Variants in THEM4 observed in about 807,000 individuals in gnomAD.
The protein encoded by THEM4 is acyl-coenzyme A thioesterase THEM4.
In THEM4, 22 loss-of-function variants were observed where a neutral mutation model predicts 25.0. The ratio of observed to expected loss-of-function variants is 0.88; its 90% CI spans 0.63 to 1.26. The LOEUF is 1.26. Among genes scored for constraint, THEM4 ranks in the 50% most tolerant of loss-of-function variants. The pLI is 0.00. For synonymous variants in THEM4, 113 were observed against 105.6 expected, an observed-to-expected ratio of 1.07 and a Z score of -0.43; for missense variants, 286 against 300.3, an observed-to-expected ratio of 0.95 and a Z score of 0.35.
chr1:151,879,032 G>C (rs2101716264), intron 4 of THEM4, among the ~76,000 whole-genome samples: 1 of 151,600 alleles, frequency 6.6e-6, no homozygotes, highest in South Asian at 2.1e-4. Flanking sequence ...AATACTATTG[G>C]GGCCAAAAAG....
At position 151,877,139 on chromosome 1, in the gene THEM4, T is replaced by C. The variant is rs1026241265; in HGVS notation, c.558-14A>G. The stretch of plus-strand genomic sequence containing the variant: ...AGAGGGATAGGTCTGCAGAATAAAA[T>C]GAAAAAGGAAAAAAATCAGTTTTTA... On this transcript the variant is annotated splice_polypyrimidine_tract_variant and intron_variant, in intron 4 of 5. Coordinates refer to ENST00000368814, the MANE Select transcript of THEM4 (RefSeq NM_053055.5). 2 of 1,589,214 alleles carry C rather than the reference T, an allele frequency of 1.3e-6. No individual in the cohort carries two copies. The highest frequency in any genetic ancestry group is 8.5e-7 in the Non-Finnish European group (1 of 1,173,098).
chr1:151,887,781 C>A (rs1008986103), intron 4 of THEM4, among the ~76,000 whole-genome samples: 5 of 152,032 alleles, frequency 3.3e-5, no homozygotes, highest in African/African-American at 1.2e-4. Flanking sequence ...CACTGCTGGG[C>A]CCAGCTAAAT....
chr1:151,893,547 G>A lies in THEM4; in HGVS notation c.286+1461C>T, dbSNP rs141117340. Among the ~76,000 whole-genome samples the A allele has an allele frequency of 2.9e-3, 446 of 152,160 alleles. 1 individual carries two copies. Among genetic ancestry groups the A allele is most frequent in the African/African-American group, 9.9e-3 (413 of 41,538 alleles). ...TAGGCCAAAGAAAATGGAATGCAGC[G>A]CACAAATGGAAGGCTTGGTCTCCCT... On this transcript the variant is annotated intron_variant, in intron 2 of 5. Coordinates refer to ENST00000368814, the MANE Select transcript of THEM4 (RefSeq NM_053055.5).
intron 2 of THEM4, among the ~76,000 whole-genome samples, chr1:151,892,141 C>CA (rs1235331818): frequency 1.3e-5 from 2 of 151,994 alleles, no homozygotes; most frequent in Non-Finnish European, 2.9e-5. Context: ...AAGAGGATCT[C>CA]AAACTCCTCT....
chr1:151,898,345 C>G (rs1192525663), intron 1 of THEM4, among the ~76,000 whole-genome samples: 1 of 152,036 alleles, frequency 6.6e-6, no homozygotes, highest in African/African-American at 2.4e-5. Context: ...ACCTGTATGA[C>G]TCAGCAGAGG....
chr1:151,895,682 G>GAA (rs34981561), intron 1 of THEM4, among the ~76,000 whole-genome samples: 3,507 of 142,678 alleles, frequency 0.025, 41 homozygotes, highest in African/African-American at 0.031. Flanking sequence ...AGTATTACAG[G>GAA]AAAAAAAAAA....
Position 151,898,234 on chromosome 1 carries a change from G to A in THEM4, c.100-3040C>T, listed in dbSNP as rs371598398. ...TTGCCCTCCACCTGGAAACAGACACGGGGATGTTGGAAGGGCATGGTGGGA... is the reference window on the plus strand; with the variant it reads ...TTGCCCTCCACCTGGAAACAGACACAGGGATGTTGGAAGGGCATGGTGGGA... On this transcript the variant is annotated intron_variant, in intron 1 of 5. Coordinates refer to ENST00000368814, the MANE Select transcript of THEM4 (RefSeq NM_053055.5). Among the ~76,000 whole-genome samples, 116 of 152,014 alleles carry A rather than the reference G, an allele frequency of 7.6e-4. 2 individuals are homozygous for A. The East Asian group carries it at 0.018, about 24-fold the overall frequency.
intron 5 of THEM4, among the ~76,000 whole-genome samples, chr1:151,875,406 AG>A (rs1572070964): frequency 6.6e-6 from 1 of 152,362 alleles, no homozygotes; most frequent in East Asian, 1.9e-4. Flanking sequence ...TTAGCCATAA[AG>A]GGAAAAATGT....
rs2101711175 is a variant in THEM4 at position 151,871,017 on chromosome 1, T to C, written c.*3871A>G. ...AATTCCTAATATTCATTCAAAATGT[T>C]AGCACTTGGTATAAAGAAGGAAACA... is the stretch of plus-strand genomic sequence containing the variant. On this transcript the variant is annotated 3_prime_UTR_variant, in exon 6 of 6. Transcript: ENST00000368814. Among the ~76,000 whole-genome samples the C allele has an allele frequency of 6.6e-6, 1 of 152,304 alleles. No individual in the cohort carries two copies. The highest frequency in any genetic ancestry group is 2.4e-5 in the African/African-American group (1 of 41,564).
chr1:151,898,195 T>C (rs1176480380), intron 1 of THEM4, among the ~76,000 whole-genome samples: 1 of 151,758 alleles, frequency 6.6e-6, no homozygotes, highest in East Asian at 1.9e-4. Context: ...CTCAGACAAG[T>C]TTTCAAGCCC....
intron 4 of THEM4, among the ~76,000 whole-genome samples, chr1:151,883,747 G>A (rs1326695378): frequency 1.3e-5 from 2 of 151,168 alleles, no homozygotes; most frequent in Non-Finnish European, 2.9e-5. Context: ...TCCTGCCTCA[G>A]CCTCCCAAGT....
In THEM4 at chr1:151,909,487, C is replaced by T; in HGVS notation, c.-29G>A. 2.9e-6 allele frequency: 4 copies of T among 1,362,154 alleles called. No homozygotes were observed. Among genetic ancestry groups the T allele is most frequent in the Non-Finnish European group, 3.8e-6 (4 of 1,064,400 alleles). The allele number at this position is 1,362,154 out of a possible 1,614,324, so 84.4% of individuals were successfully genotyped here. On this transcript the variant is annotated 5_prime_UTR_variant, in exon 1 of 6. Coordinates refer to ENST00000368814, the MANE Select transcript of THEM4 (RefSeq NM_053055.5). ...TCCGGGCCGCGGGGCCGCGCTTGCT[C>T]TAGCCCTGGACGGCGCACTCTACCT...
In THEM4 at chr1:151,874,694, C is replaced by T. The variant is rs559791671; in HGVS notation, c.*194G>A. On this transcript the variant is annotated 3_prime_UTR_variant, in exon 6 of 6. Coordinates refer to ENST00000368814, the MANE Select transcript of THEM4 (RefSeq NM_053055.5). The stretch of plus-strand genomic sequence containing the variant: ...CTGGCCCGAGAGTTGTCGATATGCT[C>T]GCAGGAAGTATTTCTGTGTTAAAAA... The T allele has an allele frequency of 1.8e-5, 12 of 655,756 alleles. No individual in the cohort carries two copies. Among genetic ancestry groups the T allele is most frequent in the Non-Finnish European group, 2.7e-5 (10 of 367,360 alleles). 40.6% of individuals were successfully genotyped at this position (655,756 alleles called of 1,614,324 possible). A position where few individuals can be genotyped will look rare whatever the true frequency, so the allele number is the denominator to read the frequency against.
At chr1:151,876,882 A>G in intron 5 of THEM4, 119 bp downstream of exon 5, 2 of 1,293,038 alleles carry the variant, frequency 1.5e-6, no homozygotes, top group Non-Finnish European at 2.1e-6. Context: ...AAAAAACCAA[A>G]CCAAACCAAA....
intron 1 of THEM4, among the ~76,000 whole-genome samples, chr1:151,897,888 A>AGCTGAGCTGAGTCAAGTTAGAGG (rs1654259176): frequency 8.1e-6 from 1 of 123,828 alleles, no homozygotes; most frequent in East Asian, 2.5e-4. Flanking sequence ...CAAGTTAGAG[A>AGCTGAGCTGAGTCAAGTTAGAGG]GCTAAGCTGA....
chr1:151,884,213 C>T (rs1002001774), intron 4 of THEM4, among the ~76,000 whole-genome samples: 1 of 152,016 alleles, frequency 6.6e-6, no homozygotes, highest in African/African-American at 2.4e-5. Context: ...AAAAAAAATA[C>T]AGAATGAAAA....
At chr1:151,907,080 C>A (rs922898180) in intron 1 of THEM4, among the ~76,000 whole-genome samples, 6 of 152,152 alleles carry the variant, frequency 3.9e-5, no homozygotes, top group African/African-American at 1.2e-4. Context: ...TGAGCTGTAA[C>A]ACTCACCGCG....
At chr1:151,876,134 C>T (rs1349423287) in intron 5 of THEM4, among the ~76,000 whole-genome samples, 1 of 152,156 alleles carries the variant, frequency 6.6e-6, no homozygotes, top group Non-Finnish European at 1.5e-5. Context: ...ATGTGTGTGA[C>T]TTTCCTGAGA....
intron 4 of THEM4, among the ~76,000 whole-genome samples, chr1:151,880,243 C>T (rs893825429): frequency 1.2e-4 from 18 of 151,530 alleles, no homozygotes; most frequent in Non-Finnish European, 5.9e-5. Context: ...TTTGGGAGTC[C>T]GAGGTGGGCG....
Sources: allele counts gnomAD v4.1 joint callset (sites outside exome capture counted in the v4.1 genomes callset), GRCh38; gene constraint gnomAD v4.1.1; transcripts MANE v1.5; gene names NCBI Gene and HGNC (gene_info 2026-07-23, HGNC 2026-07-21).